GLIPR1L2: variants seen among roughly 807,000 people sequenced by gnomAD.
GLIPR1L2 encodes GLIPR1-like protein 2.
GLIPR1L2 carries 21 observed loss-of-function variants against 28.4 expected under a neutral mutation model. That is an observed-to-expected ratio of 0.74 (90% CI 0.52 to 1.06). GLIPR1L2 has a LOEUF of 1.06. Among genes scored for constraint, GLIPR1L2 ranks in the 50% least tolerant of loss-of-function variants. The pLI is 0.00. For missense variants in GLIPR1L2, 476 were observed against 416.9 expected (o/e 1.14, Z -1.23); for synonymous variants, 145 against 139.3 (o/e 1.04, Z -0.29).
chr12:75,395,888 T>C (rs1160156283), intron 1 of GLIPR1L2, among the ~76,000 whole-genome samples: 2 of 152,036 alleles, frequency 1.3e-5, no homozygotes, highest in African/African-American at 2.4e-5. Context: ...CTTCAATCTT[T>C]ATTATTTCCT....
intron 3 of GLIPR1L2, among the ~76,000 whole-genome samples, chr12:75,419,733 G>A (rs1248256696): frequency 6.6e-6 from 1 of 152,166 alleles, no homozygotes; most frequent in African/African-American, 2.4e-5. Flanking sequence ...GTGAAGGGAG[G>A]AGACCCAGCC....
At chr12:75,424,908 G>C (rs1355537920) in intron 4 of GLIPR1L2, among the ~76,000 whole-genome samples, 1 of 151,344 alleles carries the variant, frequency 6.6e-6, no homozygotes, top group African/African-American at 2.4e-5. Context: ...CATTGGACAG[G>C]TCAGGGGAAT....
At chr12:75,397,613 A>G (rs945419225) in intron 1 of GLIPR1L2, among the ~76,000 whole-genome samples, 1 of 152,148 alleles carries the variant, frequency 6.6e-6, no homozygotes, top group African/African-American at 2.4e-5. Context: ...TATATTTATA[A>G]TGTGTTAAGT....
chr12:75,414,368 A>G (rs1318715654), intron 3 of GLIPR1L2, among the ~76,000 whole-genome samples: 1 of 152,080 alleles, frequency 6.6e-6, no homozygotes, highest in East Asian at 1.9e-4. Flanking sequence ...CAAATAAGTT[A>G]GAAAATGTTT....
At position 75,431,173 on chromosome 12, in the gene GLIPR1L2, G is replaced by A. The variant is rs961880998; in HGVS notation, c.*12G>A. On this transcript the variant is annotated 3_prime_UTR_variant, in exon 6 of 6. Coordinates refer to ENST00000550916, the MANE Select transcript of GLIPR1L2 (RefSeq NM_001270396.2). ...AAGAGGAAAAATAAGAGTAGAAAGA[G>A]GAGGAAAAAGATGTATCACCAATAT... 3 of 657,668 alleles carry A rather than the reference G, an allele frequency of 4.6e-6. No homozygotes were observed. Among genetic ancestry groups the A allele is most frequent in the Non-Finnish European group, 5.2e-6 (2 of 384,018 alleles). 40.7% of individuals were successfully genotyped at this position (657,668 alleles called of 1,614,324 possible).
chr12:75,397,240 T>G (rs2045690697), intron 1 of GLIPR1L2, among the ~76,000 whole-genome samples: 1 of 152,074 alleles, frequency 6.6e-6, no homozygotes, highest in South Asian at 2.1e-4. Flanking sequence ...GGCCAATTGA[T>G]TTTTTAAAAT....
In GLIPR1L2 at chr12:75,428,994, T is replaced by C. The variant is rs111313856; in HGVS notation, c.671-1721T>C. The stretch of plus-strand genomic sequence containing the variant: ...GTTTGCTGCAGGGGTGGAGCCCTCA[T>C]GGAGAACCTCTACTAGGGCAATGCA... On this transcript the variant is annotated intron_variant, in intron 4 of 5. Coordinates refer to ENST00000550916, the MANE Select transcript of GLIPR1L2 (RefSeq NM_001270396.2). 2.6e-3 allele frequency among the ~76,000 whole-genome samples: 402 copies of C among 152,298 alleles called. 1 individual carries two copies. Among genetic ancestry groups the C allele is most frequent in the African/African-American group, 8.7e-3 (363 of 41,572 alleles).
At chr12:75,401,607 C>G (rs559454395) in intron 1 of GLIPR1L2, among the ~76,000 whole-genome samples, 3 of 151,962 alleles carry the variant, frequency 2.0e-5, no homozygotes, top group Admixed American at 1.3e-4. Flanking sequence ...ATTCTAATAT[C>G]CATGAAAAAC....
chr12:75,399,608 T>C (rs1159817226), intron 1 of GLIPR1L2, among the ~76,000 whole-genome samples: 3 of 152,238 alleles, frequency 2.0e-5, no homozygotes, highest in African/African-American at 7.2e-5. Context: ...TGCCTTTTTT[T>C]CTCCCATTAT....
At chr12:75,429,036 TG>T (rs1344515091) in intron 4 of GLIPR1L2, among the ~76,000 whole-genome samples, 1 of 151,852 alleles carries the variant, frequency 6.6e-6, no homozygotes, top group Non-Finnish European at 1.5e-5. Flanking sequence ...AAATGTGGAG[TG>T]GGGGCCACCA....
In GLIPR1L2 at chr12:75,414,248, T is replaced by G. The variant is rs1462713607; in HGVS notation, c.584+547T>G. Among the ~76,000 whole-genome samples, 3 of 152,156 alleles carry G rather than the reference T, an allele frequency of 2.0e-5. No homozygotes were observed. In the East Asian group the frequency reaches 5.8e-4, roughly 29 times the overall value. ...CATATACCTGGGTGCCTTCAAATGG[T>G]GGAAAATAACTGCATCTCAAAATAG... On this transcript the variant is annotated intron_variant, in intron 3 of 5. Coordinates refer to ENST00000550916, the MANE Select transcript of GLIPR1L2 (RefSeq NM_001270396.2).
intron 2 of GLIPR1L2, among the ~76,000 whole-genome samples, chr12:75,411,011 A>G (rs1462301773): frequency 6.6e-6 from 1 of 151,884 alleles, no homozygotes; most frequent in African/African-American, 2.4e-5. Context: ...AAACATATGT[A>G]GAATATGCTT....
Position 75,416,045 on chromosome 12 carries a change from T to A in GLIPR1L2, c.584+2344T>A, listed in dbSNP as rs4533075. On this transcript the variant is annotated intron_variant, in intron 3 of 5. Coordinates refer to ENST00000550916, the MANE Select transcript of GLIPR1L2 (RefSeq NM_001270396.2). ...ATTCATCTTAGAATTCTGCCTACCA[T>A]AGAATGGAAATGGTGAGGAAAGGTC... Among the ~76,000 whole-genome samples, 592 of 151,908 alleles carry A rather than the reference T, an allele frequency of 3.9e-3. 3 individuals are homozygous for A. Among genetic ancestry groups the A allele is most frequent in the African/African-American group, 0.014 (572 of 41,444 alleles).
intron 4 of GLIPR1L2, among the ~76,000 whole-genome samples, chr12:75,429,934 CTTTCTTTT>C (rs1385315994): frequency 3.9e-5 from 5 of 128,632 alleles, no homozygotes; most frequent in African/African-American, 1.4e-4. Flanking sequence ...CTTTTCTTTT[CTTTCTTTT>C]TTTTTTTTTT....
chr12:75,429,938 C>CTTTTTTTTTTTT (rs34354324), intron 4 of GLIPR1L2, among the ~76,000 whole-genome samples: 4 of 128,650 alleles, frequency 3.1e-5, no homozygotes, highest in Middle Eastern at 3.7e-3. Context: ...TCTTTTCTTT[C>CTTTTTTTTTTTT]TTTTTTTTTT....
At chr12:75,419,012 G>C (rs895432281) in intron 3 of GLIPR1L2, among the ~76,000 whole-genome samples, 2 of 152,066 alleles carry the variant, frequency 1.3e-5, no homozygotes, top group Non-Finnish European at 2.9e-5. Context: ...GGGGCCTGTC[G>C]GGGTGGGGTG....
chr12:75,410,630 A>G lies in GLIPR1L2; in HGVS notation c.431A>G (p.Tyr144Cys). 3 of 1,611,500 alleles carry G rather than the reference A, an allele frequency of 1.9e-6. No homozygotes were observed. The highest frequency in any genetic ancestry group is 2.5e-6 in the Non-Finnish European group (3 of 1,178,306). ...IRSWHAEKKM[Y>C]NFENGSCSGD... The stretch of plus-strand genomic sequence containing the variant: ...AGTTGGCATGCAGAGAAGAAAATGT[A>G]CAATTTTGAAAATGGCAGTTGCTCT... The change falls in exon 2 of 6, where the codon TAC becomes TGC. Residue 144 changes from tyrosine to cysteine, a missense_variant. Transcript: ENST00000550916.
rs2046089242 is a variant in GLIPR1L2 at position 75,431,158 on chromosome 12, A to G, written c.1032A>G (p.Lys344=). The G allele has an allele frequency of 1.3e-6, 1 of 742,772 alleles. No individual in the cohort carries two copies. Among genetic ancestry groups the G allele is most frequent in the African/African-American group, 1.8e-5 (1 of 56,484 alleles). 46.0% of individuals were successfully genotyped at this position (742,772 alleles called of 1,614,324 possible). The change falls in exon 6 of 6, where the codon AAA becomes AAG. Residue 344 remains lysine, a synonymous_variant. Coordinates refer to ENST00000550916, the MANE Select transcript of GLIPR1L2 (RefSeq NM_001270396.2). The part of the protein sequence containing the change: ...TQKEKMEEEE[K] ...AAGAAAAGATGGAGGAAGAGGAAAA[A>G]TAAGAGTAGAAAGAGGAGGAAAAAG...
intron 4 of GLIPR1L2, among the ~76,000 whole-genome samples, chr12:75,429,349 A>G (rs1370364304): frequency 2.0e-5 from 3 of 152,212 alleles, no homozygotes; most frequent in South Asian, 4.1e-4. Flanking sequence ...TGGGGCCTGT[A>G]GCCCCTTTGT....
Sources: gnomAD v4.1 joint callset for allele counts (sites outside exome capture counted in the v4.1 genomes callset) on GRCh38, gnomAD v4.1.1 for gene constraint, MANE v1.5 for transcripts, NCBI Gene and HGNC (gene_info 2026-07-23, HGNC 2026-07-21) for gene names.